Variants in ACKR1 observed in about 807,000 individuals in gnomAD.
ACKR1 encodes atypical chemokine receptor 1.
In ACKR1, 3 loss-of-function variants were observed where a neutral mutation model predicts 2.5. The observed-to-expected ratio is 1.18, with a 90% confidence interval of 0.54 to 3.06. The LOEUF (loss-of-function observed/expected upper bound fraction) is 3.06. ACKR1 is among the 30% of genes most tolerant of loss of function. ACKR1 has a pLI of 0.03. For missense variants in ACKR1, 438 were observed against 395.2 expected, an observed-to-expected ratio of 1.11 and a Z score of -0.92; for synonymous variants, 208 against 178.2, an observed-to-expected ratio of 1.17 and a Z score of -1.33.
At position 159,205,674 on chromosome 1, in the gene ACKR1, G is replaced by C; in HGVS notation, c.235G>C (p.Val79Leu). The C allele has an allele frequency of 1.2e-6, 2 of 1,614,224 alleles. No homozygotes were observed. The highest frequency in any genetic ancestry group is 1.7e-6 in the Non-Finnish European group (2 of 1,180,048). The part of the protein sequence containing the change: ...SVLGILASST[V>L]LFMLFRPLFR... Reference sequence around the variant, plus strand: ...CCTGGGTATCCTAGCTAGCAGCACTGTCCTCTTCATGCTTTTCAGACCTCT... The same window carrying C: ...CCTGGGTATCCTAGCTAGCAGCACTCTCCTCTTCATGCTTTTCAGACCTCT... Residue 79 changes from valine (V) to leucine (L), a missense_variant, in exon 2 of 2, where the codon GTC becomes CTC. Coordinates refer to ENST00000368122, the MANE Select transcript of ACKR1 (RefSeq NM_002036.4).
At position 159,205,660 on chromosome 1, in the gene ACKR1, T is replaced by C; in HGVS notation, c.221T>C (p.Leu74Pro). 6.2e-7 allele frequency: 1 copy of C among 1,614,200 alleles called. No homozygotes were observed. The highest frequency in any genetic ancestry group is 8.5e-7 in the Non-Finnish European group (1 of 1,180,024). The stretch of plus-strand genomic sequence containing the variant: ...ATCCTCACCAGTGTCCTGGGTATCC[T>C]AGCTAGCAGCACTGTCCTCTTCATG... ...FFILTSVLGI[L>P]ASSTVLFMLF... The change falls in exon 2 of 2, where the codon CTA (leucine) becomes CCA (proline). Residue 74 changes from leucine (L) to proline (P), a missense_variant. Leu to Pro is a moderately conservative substitution (Grantham distance 98). Transcript: ENST00000368122.
At position 159,206,478 on chromosome 1, in the gene ACKR1, A is replaced by G; in HGVS notation, c.*28A>G. On this transcript the variant is annotated 3_prime_UTR_variant, in exon 2 of 2. Transcript: ENST00000368122. ...CTCTTCCCACCTGTCAACCTGAATT[A>G]AAGTCTACACTGCCTTTGTGAAGCG... 1 of 1,588,550 alleles carries G rather than the reference A, an allele frequency of 6.3e-7. No individual in the cohort carries two copies. The highest frequency in any genetic ancestry group is 8.6e-7 in the Non-Finnish European group (1 of 1,164,012).
Position 159,205,771 on chromosome 1 carries a change from T to C in ACKR1, c.332T>C (p.Ile111Thr), listed in dbSNP as rs1443313730. 10 of 1,613,888 alleles carry C rather than the reference T, an allele frequency of 6.2e-6. No individual in the cohort carries two copies. The highest frequency in any genetic ancestry group is 2.7e-5 in the African/African-American group (2 of 74,946). ...GCTGTGGGCAGTGCCCTCTTCAGCA[T>C]TGTGGTGCCCGTCTTGGCCCCAGGG... The part of the protein sequence containing the change: ...QLAVGSALFS[I>T]VVPVLAPGLG... Residue 111 changes from isoleucine to threonine, a missense_variant, in exon 2 of 2, where the codon ATT (isoleucine) becomes ACT (threonine). Transcript: ENST00000368122.
chr1:159,204,980 G>A lies in ACKR1; in HGVS notation c.21G>A (p.Arg7=). The A allele has an allele frequency of 6.2e-7, 1 of 1,614,042 alleles. No individual in the cohort carries two copies. Among genetic ancestry groups the A allele is most frequent in the Non-Finnish European group, 8.5e-7 (1 of 1,179,980 alleles). The stretch of plus-strand genomic sequence containing the variant: ...GTGCCATGGGGAACTGTCTGCACAG[G>A]GTGAGTATGGGGCCAGGCCCCAGAG... MGNCLH[R]AELSPSTENS... Residue 7 remains arginine, a splice_region_variant and synonymous_variant, in exon 1 of 2, where the codon AGG becomes AGA. Transcript: ENST00000368122.
In ACKR1 at chr1:159,205,692, A is replaced by C; in HGVS notation, c.253A>C (p.Arg85=). 1 of 1,614,150 alleles carries C rather than the reference A, an allele frequency of 6.2e-7. No homozygotes were observed. Among genetic ancestry groups the C allele is most frequent in the Non-Finnish European group, 8.5e-7 (1 of 1,180,022 alleles). ...CAGCACTGTCCTCTTCATGCTTTTC[A>C]GACCTCTCTTCCGCTGGCAGCTCTG... is the stretch of plus-strand genomic sequence containing the variant. ...ASSTVLFMLF[R]PLFRWQLCPG... Residue 85 remains arginine, a synonymous_variant, in exon 2 of 2, where the codon AGA becomes CGA. Coordinates refer to ENST00000368122, the MANE Select transcript of ACKR1 (RefSeq NM_002036.4).
chr1:159,205,586 C>G lies in ACKR1; in HGVS notation c.147C>G (p.Ala49=), dbSNP rs773246198. 6.2e-7 allele frequency: 1 copy of G among 1,614,234 alleles called. No individual in the cohort carries two copies. Among genetic ancestry groups the G allele is most frequent in the Admixed American group, 1.7e-5 (1 of 60,036 alleles). ...GDYGANLEAA[A]PCHSCNLLDD... is the part of the protein sequence containing the mutation. ...ATGGTGCCAACCTGGAAGCAGCTGC[C>G]CCCTGCCACTCCTGTAACCTGCTGG... is the stretch of plus-strand genomic sequence containing the variant. Residue 49 remains alanine, a synonymous_variant, in exon 2 of 2, where the codon GCC becomes GCG. Coordinates refer to ENST00000368122, the MANE Select transcript of ACKR1 (RefSeq NM_002036.4).
intron 1 of ACKR1, 69 bp downstream of exon 1, chr1:159,205,049 C>T: frequency 6.5e-7 from 1 of 1,543,618 alleles, no homozygotes; most frequent in Admixed American, 1.9e-5. Context: ...GTTTGCCCCT[C>T]AGTCTTTATA....
Position 159,204,908 on chromosome 1 carries a change from C to T in ACKR1, c.-52C>T, listed in dbSNP as rs926913806. 1.9e-5 allele frequency: 31 copies of T among 1,612,292 alleles called. No homozygotes were observed. The highest frequency in any genetic ancestry group is 1.6e-4 in the African/African-American group (12 of 74,880). On this transcript the variant is annotated 5_prime_UTR_variant, in exon 1 of 2. Coordinates refer to ENST00000368122, the MANE Select transcript of ACKR1 (RefSeq NM_002036.4). Reference sequence around the variant, plus strand: ...TTGGCTCTTATCTTGGAAGCACAGGCGCTGACAGCCGTCCCAGCCCTTCTG... The same window carrying T: ...TTGGCTCTTATCTTGGAAGCACAGGTGCTGACAGCCGTCCCAGCCCTTCTG...
At position 159,205,659 on chromosome 1, in the gene ACKR1, C is replaced by T. The variant is rs564999234; in HGVS notation, c.220C>T (p.Leu74=). Residue 74 remains leucine, a synonymous_variant, in exon 2 of 2, where the codon CTA becomes TTA. Transcript: ENST00000368122. ...FFILTSVLGI[L]ASSTVLFMLF... is the part of the protein sequence containing the mutation. ...CATCCTCACCAGTGTCCTGGGTATC[C>T]TAGCTAGCAGCACTGTCCTCTTCAT... 19 of 1,614,190 alleles carry T rather than the reference C, an allele frequency of 1.2e-5. No homozygotes were observed. In the East Asian group the frequency reaches 4.2e-4, roughly 36 times the overall value.
In ACKR1 at chr1:159,206,190, A is replaced by G; in HGVS notation, c.751A>G (p.Ile251Val). 1 of 1,614,094 alleles carries G rather than the reference A, an allele frequency of 6.2e-7. No individual in the cohort carries two copies. The highest frequency in any genetic ancestry group is 8.5e-7 in the Non-Finnish European group (1 of 1,180,012). Residue 251 changes from isoleucine (I) to valine (V), a missense_variant, in exon 2 of 2, where the codon ATT becomes GTT. Coordinates refer to ENST00000368122, the MANE Select transcript of ACKR1 (RefSeq NM_002036.4). ...PWMNILWAWFIFWWPHGVVLG... is the reference protein window; with the variant it reads ...PWMNILWAWFVFWWPHGVVLG... Reference sequence around the variant, plus strand: ...GATGAATATCCTGTGGGCCTGGTTTATTTTCTGGTGGCCTCATGGGGTGGT... The same window carrying G: ...GATGAATATCCTGTGGGCCTGGTTTGTTTTCTGGTGGCCTCATGGGGTGGT...
chr1:159,205,418 T>C (rs746683568), intron 1 of ACKR1, 43 bp from the exon 2 acceptor site: 1 of 1,573,334 alleles, frequency 6.4e-7, no homozygotes, highest in Non-Finnish European at 8.6e-7. Flanking sequence ...CAGGAGACTC[T>C]TCCGGTGTAA....
Position 159,204,886 on chromosome 1 carries a change from G to A in ACKR1, c.-74G>A, listed in dbSNP as rs1336591035. ...ACCTGATGGCCCTCATTAGTCCTTGGCTCTTATCTTGGAAGCACAGGCGCT... is the reference window on the plus strand; with the variant it reads ...ACCTGATGGCCCTCATTAGTCCTTGACTCTTATCTTGGAAGCACAGGCGCT... On this transcript the variant is annotated 5_prime_UTR_variant, in exon 1 of 2. Transcript: ENST00000368122. The A allele has an allele frequency of 1.3e-5, 20 of 1,590,920 alleles. No individual in the cohort carries two copies. Among genetic ancestry groups the A allele is most frequent in the Non-Finnish European group, 1.7e-5 (20 of 1,159,270 alleles).
rs1444977226 is a variant in ACKR1, at chr1:159,205,560, T to C, written c.121T>C (p.Tyr41His). 6.2e-7 allele frequency: 1 copy of C among 1,614,244 alleles called. No homozygotes were observed. Among genetic ancestry groups the C allele is most frequent in the African/African-American group, 1.3e-5 (1 of 75,066 alleles). ...GVNDSFPDGDYGANLEAAAPC... is the reference protein window; with the variant it reads ...GVNDSFPDGDHGANLEAAAPC... ...GAATGATTCCTTCCCAGATGGAGAC[T>C]ATGGTGCCAACCTGGAAGCAGCTGC... Residue 41 changes from tyrosine (Y) to histidine (H), a missense_variant, in exon 2 of 2, where the codon TAT becomes CAT. Transcript: ENST00000368122.
Position 159,206,096 on chromosome 1 carries a change from C to G in ACKR1, c.657C>G (p.Val219=), listed in dbSNP as rs748896745. 6.8e-6 allele frequency: 11 copies of G among 1,614,256 alleles called. 1 individual carries two copies. The South Asian group carries it at 1.1e-4, about 16-fold the overall frequency. Residue 219 remains valine (V), a synonymous_variant, in exon 2 of 2, where the codon GTC becomes GTG. Coordinates refer to ENST00000368122, the MANE Select transcript of ACKR1 (RefSeq NM_002036.4). ...CTGTAGCCTGTCTTGCCATCTTTGT[C>G]TTGTTGCCATTGGGTTTGTTTGGAG... ...THTVACLAIF[V]LLPLGLFGAK...
At position 159,206,450 on chromosome 1, in the gene ACKR1, G is replaced by A. The variant is rs3027022; in HGVS notation, c.1011G>A (p.Ter337=). The A allele has an allele frequency of 1.2e-6, 2 of 1,607,214 alleles. No individual in the cohort carries two copies. Among genetic ancestry groups the A allele is most frequent in the African/African-American group, 1.3e-5 (1 of 74,788 alleles). ...SHLDTLGSKS[*] ...TGGACACCCTTGGAAGCAAATCCTAGTTCTCTTCCCACCTGTCAACCTGAA... is the reference window on the plus strand; with the variant it reads ...TGGACACCCTTGGAAGCAAATCCTAATTCTCTTCCCACCTGTCAACCTGAA... The change falls in exon 2 of 2, where the codon TAG becomes TAA. Residue 337 remains the stop codon, a stop_retained_variant. Coordinates refer to ENST00000368122, the MANE Select transcript of ACKR1 (RefSeq NM_002036.4).
In ACKR1 at chr1:159,205,932, C is replaced by T; in HGVS notation, c.493C>T (p.Leu165Phe). Residue 165 changes from leucine (L) to phenylalanine (F), a missense_variant, in exon 2 of 2, where the codon CTC (leucine) becomes TTC (phenylalanine). Physicochemically the swap from Leu to Phe is conservative, Grantham distance 22. Coordinates refer to ENST00000368122, the MANE Select transcript of ACKR1 (RefSeq NM_002036.4). ...HRLGAGQVPG[L>F]TLGLTVGIWG... ...ACTGGGTGCAGGCCAGGTCCCAGGCCTCACCCTGGGGCTCACTGTGGGAAT... is the reference window on the plus strand; with the variant it reads ...ACTGGGTGCAGGCCAGGTCCCAGGCTTCACCCTGGGGCTCACTGTGGGAAT... 2 of 1,614,094 alleles carry T rather than the reference C, an allele frequency of 1.2e-6. No individual in the cohort carries two copies. Among genetic ancestry groups the T allele is most frequent in the South Asian group, 2.2e-5 (2 of 91,082 alleles).
chr1:159,205,140 T>A (rs1273077068), intron 1 of ACKR1, 160 bp downstream of exon 1: 5 of 867,184 alleles, frequency 5.8e-6, no homozygotes, highest in Non-Finnish European at 8.8e-6. Flanking sequence ...CTCTCCTTCC[T>A]ATGCTAGCCT....
In ACKR1 at chr1:159,205,971, G is replaced by T. The variant is rs768089961; in HGVS notation, c.532G>T (p.Ala178Ser). Residue 178 changes from alanine to serine, a missense_variant, in exon 2 of 2, where the codon GCC becomes TCC. Physicochemically the swap from Ala to Ser is moderately conservative, Grantham distance 99. Coordinates refer to ENST00000368122, the MANE Select transcript of ACKR1 (RefSeq NM_002036.4). ...CACTGTGGGAATTTGGGGAGTGGCT[G>T]CCCTACTGACACTGCCTGTCACCCT... is the stretch of plus-strand genomic sequence containing the variant. ...GLTVGIWGVA[A>S]LLTLPVTLAS... 1 of 1,614,102 alleles carries T rather than the reference G, an allele frequency of 6.2e-7. No individual in the cohort carries two copies. The highest frequency in any genetic ancestry group is 2.2e-5 in the East Asian group (1 of 44,882).
Position 159,206,139 on chromosome 1 carries a change from G to A in ACKR1, c.700G>A (p.Ala234Thr). ...GTTTGGAGCCAAGGGGCTGAAGAAGGCATTGGGTATGGGGCCAGGCCCCTG... is the reference window on the plus strand; with the variant it reads ...GTTTGGAGCCAAGGGGCTGAAGAAGACATTGGGTATGGGGCCAGGCCCCTG... ...GLFGAKGLKKALGMGPGPWMN... is the reference protein window; with the variant it reads ...GLFGAKGLKKTLGMGPGPWMN... Residue 234 changes from alanine (A) to threonine (T), a missense_variant, in exon 2 of 2, where the codon GCA becomes ACA. Ala to Thr is a moderately conservative substitution (Grantham distance 58, BLOSUM62 0). Coordinates refer to ENST00000368122, the MANE Select transcript of ACKR1 (RefSeq NM_002036.4). The A allele has an allele frequency of 6.2e-7, 1 of 1,614,224 alleles. No individual in the cohort carries two copies. Among genetic ancestry groups the A allele is most frequent in the South Asian group, 1.1e-5 (1 of 91,090 alleles).
Sources: allele counts gnomAD v4.1 joint callset, GRCh38; gene constraint gnomAD v4.1.1; transcripts MANE v1.5; gene names NCBI Gene and HGNC (gene_info 2026-07-23, HGNC 2026-07-21).